The following GRIN2A variants were observed in gnomAD, a reference collection of about 807,000 sequenced individuals.
GRIN2A encodes the protein glutamate ionotropic receptor NMDA type subunit 2A.
GRIN2A carries 22 observed loss-of-function variants against 113.4 expected under a neutral mutation model. That is an observed-to-expected ratio of 0.19 (90% CI 0.14 to 0.28). GRIN2A has a LOEUF of 0.28. Ranked by LOEUF, GRIN2A falls within the 10% of genes least tolerant of loss-of-function variation. The probability of loss-of-function intolerance (pLI) is 1.00; values close to 1 mark genes in which losing one functional copy is unlikely to be tolerated. For missense variants in GRIN2A, 1,502 were observed against 1,887.0 expected, an observed-to-expected ratio of 0.80 and a Z score of 3.78; for synonymous variants, 827 against 738.4, an observed-to-expected ratio of 1.12 and a Z score of -1.94.
chr16:9,863,901 A>G (rs2043115540), intron 4 of GRIN2A, among the ~76,000 whole-genome samples: 1 of 152,222 alleles, frequency 6.6e-6, no homozygotes, highest in Non-Finnish European at 1.5e-5. Flanking sequence ...ACTAGAATGC[A>G]TATAGGTCTG....
intron 2 of GRIN2A, chr16:10,112,418 GT>G (rs1336139847): frequency 1.2e-5 from 9 of 730,696 alleles, no homozygotes; most frequent in Non-Finnish European, 1.8e-5. Context: ...GCACTGCTGT[GT>G]ACAAGGTGGC....
intron 2 of GRIN2A, among the ~76,000 whole-genome samples, chr16:10,151,107 A>G (rs951485177): frequency 5.3e-5 from 8 of 152,230 alleles, no homozygotes; most frequent in Non-Finnish European, 7.3e-5. Flanking sequence ...ACTGCCATCA[A>G]TGCCCTCGGG....
At position 10,049,832 on chromosome 16, in the gene GRIN2A, T is replaced by A. The variant is rs112964353; in HGVS notation, c.415-111281A>T. Reference sequence around the variant, plus strand: ...GGCAGAACATTTTGTGCAATTTTTTTGTGAGCAGTGCCCAGCTCATAGGAA... The same window carrying A: ...GGCAGAACATTTTGTGCAATTTTTTAGTGAGCAGTGCCCAGCTCATAGGAA... On this transcript the variant is annotated intron_variant, in intron 2 of 12. Coordinates refer to ENST00000330684, the MANE Select transcript of GRIN2A (RefSeq NM_001134407.3). 1.9e-3 allele frequency among the ~76,000 whole-genome samples: 297 copies of A among 152,348 alleles called. 2 individuals carry two copies. The highest frequency in any genetic ancestry group is 6.9e-3 in the African/African-American group (288 of 41,584).
At chr16:10,060,811 G>A (rs2047539900) in intron 2 of GRIN2A, among the ~76,000 whole-genome samples, 1 of 152,180 alleles carries the variant, frequency 6.6e-6, no homozygotes, top group Non-Finnish European at 1.5e-5. Flanking sequence ...CTTTACGAGT[G>A]CAAGCTATAT....
At chr16:10,050,601 T>C (rs1011252147) in intron 2 of GRIN2A, among the ~76,000 whole-genome samples, 2 of 151,892 alleles carry the variant, frequency 1.3e-5, no homozygotes, top group African/African-American at 2.4e-5. Context: ...GGAAAACAAG[T>C]TCAGGGCTCC....
intron 2 of GRIN2A, among the ~76,000 whole-genome samples, chr16:9,995,412 C>T (rs1050347617): frequency 3.3e-5 from 5 of 152,116 alleles, no homozygotes; most frequent in African/African-American, 1.2e-4. Flanking sequence ...AAGCATTAAT[C>T]CCCTCAGGTT....
chr16:10,154,330 G>C (rs943445613), intron 2 of GRIN2A, among the ~76,000 whole-genome samples: 5 of 152,116 alleles, frequency 3.3e-5, no homozygotes, highest in African/African-American at 1.2e-4. Flanking sequence ...TGTGCAGCAG[G>C]GCCTCATCCA....
chr16:10,138,944 G>A (rs894206839), intron 2 of GRIN2A, among the ~76,000 whole-genome samples: 1 of 152,210 alleles, frequency 6.6e-6, no homozygotes, highest in Non-Finnish European at 1.5e-5. Context: ...TGAGTACCTA[G>A]ATTTCAGAAT....
At chr16:10,159,281 C>T (rs148214864) in intron 2 of GRIN2A, among the ~76,000 whole-genome samples, 2 of 152,072 alleles carry the variant, frequency 1.3e-5, no homozygotes, top group East Asian at 1.9e-4. Context: ...GAGAAGAAAT[C>T]CAGAATAAGC....
chr16:10,144,068 G>C (rs1394350661), intron 2 of GRIN2A, among the ~76,000 whole-genome samples: 2 of 152,114 alleles, frequency 1.3e-5, no homozygotes, highest in Non-Finnish European at 2.9e-5. Flanking sequence ...ATTTCTTTGA[G>C]ATCCTGATTT....
At chr16:9,828,575 A>G (rs1044398302) in intron 9 of GRIN2A, among the ~76,000 whole-genome samples, 4 of 152,234 alleles carry the variant, frequency 2.6e-5, no homozygotes, top group Non-Finnish European at 4.4e-5. Flanking sequence ...TGGTGCTGCA[A>G]TCTCAACACT....
At chr16:10,019,945 C>T (rs2046684809) in intron 2 of GRIN2A, among the ~76,000 whole-genome samples, 2 of 152,212 alleles carry the variant, frequency 1.3e-5, no homozygotes. Context: ...CATACACAGA[C>T]ACCCAAAATG....
At chr16:9,770,561 C>T (rs7190895) in intron 11 of GRIN2A, among the ~76,000 whole-genome samples, 56,628 of 151,958 alleles carry the variant, frequency 0.37, 10,909 homozygotes, top group Non-Finnish European at 0.43. Context: ...ATCTAATTGT[C>T]GTTACTTTCT....
chr16:10,166,228 G>C (rs1420057128), intron 2 of GRIN2A, among the ~76,000 whole-genome samples: 2 of 152,234 alleles, frequency 1.3e-5, no homozygotes, highest in African/African-American at 4.8e-5. Context: ...AGACAAGATA[G>C]AGCAGGAGAC....
chr16:9,918,442 C>A (rs1330048513), intron 3 of GRIN2A, among the ~76,000 whole-genome samples: 1 of 152,082 alleles, frequency 6.6e-6, no homozygotes, highest in Non-Finnish European at 1.5e-5. Context: ...TAACAATATG[C>A]TAGAATAAAT....
intron 2 of GRIN2A, among the ~76,000 whole-genome samples, chr16:9,939,151 C>T (rs1460858360): frequency 1.3e-5 from 2 of 152,068 alleles, no homozygotes; most frequent in African/African-American, 2.4e-5. Context: ...AAATATTTAT[C>T]GAACACCTTA....
chr16:9,941,871 T>G (rs775930807), intron 2 of GRIN2A, among the ~76,000 whole-genome samples: 1 of 152,184 alleles, frequency 6.6e-6, no homozygotes, highest in South Asian at 2.1e-4. Context: ...AGTATGCCCA[T>G]TTTACAAATG....
chr16:9,990,818 G>A (rs747776813), intron 2 of GRIN2A, among the ~76,000 whole-genome samples: 4 of 152,174 alleles, frequency 2.6e-5, no homozygotes, highest in African/African-American at 4.8e-5. Context: ...TGTAATCCAA[G>A]CACTTTGGGA....
chr16:10,042,645 A>C (rs2047185607), intron 2 of GRIN2A, among the ~76,000 whole-genome samples: 1 of 152,228 alleles, frequency 6.6e-6, no homozygotes, highest in African/African-American at 2.4e-5. Flanking sequence ...TTTGTTATGC[A>C]CCAATAGCTA....
Sources: gnomAD v4.1 joint callset for allele counts (sites outside exome capture counted in the v4.1 genomes callset) on GRCh38, gnomAD v4.1.1 for gene constraint, MANE v1.5 for transcripts, NCBI Gene and HGNC (gene_info 2026-07-23, HGNC 2026-07-21) for gene names.